Variants in CSMD1 observed in about 807,000 individuals in gnomAD.
CSMD1 encodes CUB and sushi domain-containing protein 1.
Under a neutral mutation model 417.5 loss-of-function variants are expected in CSMD1, and 213 were observed. The ratio of observed to expected loss-of-function variants is 0.51; its 90% confidence interval spans 0.46 to 0.57. CSMD1 has a LOEUF of 0.57. Among genes scored for constraint, CSMD1 ranks in the 20% least tolerant of loss-of-function variants. The pLI is 0.00. For synonymous variants in CSMD1, 2,862 were observed against 1,736.8 expected, an observed-to-expected ratio of 1.65 and a Z score of -16.11; for missense variants, 6,923 against 4,529.7, an observed-to-expected ratio of 1.53 and a Z score of -15.17.
intron 41 of CSMD1, among the ~76,000 whole-genome samples, chr8:3,126,893 G>A (rs377756445): frequency 1.3e-5 from 2 of 152,158 alleles, no homozygotes; most frequent in African/African-American, 2.4e-5. Context: ...GAGGCTTGCA[G>A]CAAGTGGAAT....
At chr8:4,821,378 T>G (rs998061170) in intron 1 of CSMD1, among the ~76,000 whole-genome samples, 14 of 152,258 alleles carry the variant, frequency 9.2e-5, no homozygotes, top group African/African-American at 3.4e-4. Context: ...GAGGTGCGTT[T>G]ATCCCCATAA....
intron 7 of CSMD1, among the ~76,000 whole-genome samples, chr8:3,660,805 G>C (rs970632346): frequency 1.3e-5 from 2 of 152,172 alleles, no homozygotes; most frequent in Non-Finnish European, 2.9e-5. Context: ...ACAGGCGTGA[G>C]CCACCCCGCC....
intron 3 of CSMD1, among the ~76,000 whole-genome samples, chr8:4,378,897 T>C (rs1802922150): frequency 6.6e-6 from 1 of 152,188 alleles, no homozygotes; most frequent in Non-Finnish European, 1.5e-5. Flanking sequence ...GAATCCGCAA[T>C]GCTTGGGTCT....
intron 3 of CSMD1, among the ~76,000 whole-genome samples, chr8:4,268,893 G>A (rs756622457): frequency 6.6e-5 from 10 of 152,088 alleles, no homozygotes; most frequent in Non-Finnish European, 8.8e-5. Flanking sequence ...TATTCATAAT[G>A]CATCATATAC....
At chr8:3,984,727 ATATATATATATATATATATATATATT>A (rs1451428528) in intron 5 of CSMD1, among the ~76,000 whole-genome samples, 17 of 81,964 alleles carry the variant, frequency 2.1e-4, no homozygotes, top group Admixed American at 6.6e-4. Context: ...ATATATATAT[ATATATATATATATATATATATATATT>A]TGTATGTATT....
chr8:4,757,358 C>G (rs1563307293), intron 1 of CSMD1, among the ~76,000 whole-genome samples: 2 of 152,182 alleles, frequency 1.3e-5, no homozygotes, highest in Admixed American at 6.5e-5. Flanking sequence ...TAGGCCCCAA[C>G]TCAGTCTTTA....
chr8:3,699,542 C>G (rs1043125203), intron 7 of CSMD1, among the ~76,000 whole-genome samples: 1 of 152,152 alleles, frequency 6.6e-6, no homozygotes, highest in Admixed American at 6.5e-5. Context: ...TCCTCTATTT[C>G]TATGGATTTC....
chr8:4,595,897 A>T (rs1800250242), intron 2 of CSMD1, among the ~76,000 whole-genome samples: 1 of 152,070 alleles, frequency 6.6e-6, no homozygotes, highest in Non-Finnish European at 1.5e-5. Context: ...TCTTGCATGC[A>T]GCCATCCACT....
Position 3,156,362 on chromosome 8 carries a change from C to G in CSMD1, c.5914+1535G>C, listed in dbSNP as rs578181040. Among the ~76,000 whole-genome samples, 41 of 152,314 alleles carry G rather than the reference C, an allele frequency of 2.7e-4. No homozygotes were observed. The South Asian group carries it at 7.9e-3, about 29-fold the overall frequency. ...CAGGCTCTCTGATACTCATTCATTC[C>G]CTAGCCATTCTTTAATTGAAATTCT... is the stretch of plus-strand genomic sequence containing the variant. On this transcript the variant is annotated intron_variant, in intron 39 of 69. Coordinates refer to ENST00000635120, the MANE Select transcript of CSMD1 (RefSeq NM_033225.6).
chr8:3,577,908 T>C (rs188483072), intron 9 of CSMD1, among the ~76,000 whole-genome samples: 1 of 152,328 alleles, frequency 6.6e-6, no homozygotes, highest in Admixed American at 6.5e-5. Context: ...AGTTCAGCCG[T>C]GCATGTGTAG....
At chr8:4,447,929 C>G (rs915767558) in intron 2 of CSMD1, among the ~76,000 whole-genome samples, 18 of 152,100 alleles carry the variant, frequency 1.2e-4, no homozygotes, top group African/African-American at 3.6e-4. Context: ...ACGACAATTA[C>G]CACACTCACC....
intron 3 of CSMD1, among the ~76,000 whole-genome samples, chr8:4,196,892 A>C (rs1335811464): frequency 6.6e-6 from 1 of 152,206 alleles, no homozygotes; most frequent in African/African-American, 2.4e-5. Context: ...CGCCATCTTC[A>C]TTAAATTCCC....
chr8:3,449,863 C>T (rs932674223), intron 12 of CSMD1, among the ~76,000 whole-genome samples: 1 of 152,252 alleles, frequency 6.6e-6, no homozygotes, highest in African/African-American at 2.4e-5. Context: ...AGTTTTAAGC[C>T]TCACGTTGTA....
intron 5 of CSMD1, among the ~76,000 whole-genome samples, chr8:3,906,717 G>A (rs1390932553): frequency 1.3e-5 from 2 of 151,532 alleles, no homozygotes; most frequent in African/African-American, 2.4e-5. Context: ...TTCATTCACT[G>A]GCTGATAGAT....
At chr8:3,712,154 C>G (rs1801546265) in intron 6 of CSMD1, among the ~76,000 whole-genome samples, 1 of 91,082 alleles carries the variant, frequency 1.1e-5, no homozygotes, top group South Asian at 3.3e-4. Flanking sequence ...TAATTTGTTT[C>G]AAGTTACTAC....
chr8:3,203,075 GAT>G (rs1407209270), intron 31 of CSMD1, among the ~76,000 whole-genome samples: 1 of 152,122 alleles, frequency 6.6e-6, no homozygotes, highest in Non-Finnish European at 1.5e-5. Context: ...ATCATCCACA[GAT>G]AATTTCTACT....
In CSMD1 at chr8:4,268,897, C is replaced by G. The variant is rs756439537; in HGVS notation, c.415+151056G>C. ...CATAGAATGTTTATTCATAATGCAT[C>G]ATATACTCATCAAGATGCTTGCTAT... On this transcript the variant is annotated intron_variant, in intron 3 of 69. Transcript: ENST00000635120. 3.9e-5 allele frequency among the ~76,000 whole-genome samples: 6 copies of G among 152,254 alleles called. 1 individual carries two copies. In the South Asian group the frequency reaches 1.0e-3, roughly 26 times the overall value.
Position 4,850,472 on chromosome 8 carries a change from C to T in CSMD1, c.85+143860G>A, listed in dbSNP as rs1041854065. ...TGATTGCTCAGGAAGCTTCCTCTCC[C>T]TTCAGTCACATGACAATTGCAAACA... On this transcript the variant is annotated intron_variant, in intron 1 of 69. Coordinates refer to ENST00000635120, the MANE Select transcript of CSMD1 (RefSeq NM_033225.6). Among the ~76,000 whole-genome samples, 33 of 147,092 alleles carry T rather than the reference C, an allele frequency of 2.2e-4. 1 individual carries two copies. The highest frequency in any genetic ancestry group is 1.0e-4 in the Non-Finnish European group (7 of 67,348).
At chr8:3,521,237 G>C (rs1797495951) in intron 10 of CSMD1, among the ~76,000 whole-genome samples, 1 of 152,050 alleles carries the variant, frequency 6.6e-6, no homozygotes, top group East Asian at 1.9e-4. Context: ...TCTCACTGTT[G>C]CTGATTTCCC....
Sources: allele counts gnomAD v4.1 joint callset (sites outside exome capture counted in the v4.1 genomes callset), GRCh38; gene constraint gnomAD v4.1.1; transcripts MANE v1.5; gene names NCBI Gene and HGNC (gene_info 2026-07-23, HGNC 2026-07-21).